USP28: variants seen among roughly 807,000 people sequenced by gnomAD.
USP28 encodes ubiquitin specific peptidase 28.
USP28 carries 113 observed loss-of-function variants against 145.0 expected under a neutral mutation model. That is an observed-to-expected ratio of 0.78 (90% CI 0.67 to 0.91). The LOEUF (loss-of-function observed/expected upper bound fraction) is 0.91. Among genes scored for constraint, USP28 ranks in the 40% least tolerant of loss-of-function variants. The pLI, the probability that USP28 is intolerant of heterozygous loss-of-function variation, is 0.00. For synonymous variants in USP28, 447 were observed against 450.9 expected, an observed-to-expected ratio of 0.99 and a Z score of 0.11; for missense variants, 1,201 against 1,289.6, an observed-to-expected ratio of 0.93 and a Z score of 1.05.
At chr11:113,817,454 C>T (rs1220066101) in intron 13 of USP28, among the ~76,000 whole-genome samples, 1 of 152,106 alleles carries the variant, frequency 6.6e-6, no homozygotes, top group Non-Finnish European at 1.5e-5. Flanking sequence ...CTGAAATAAC[C>T]CAACCATTCT....
rs1383215827 is a variant in USP28 at position 113,806,633 on chromosome 11, T to C, written c.2305-49A>G. The C allele has an allele frequency of 3.7e-6, 5 of 1,340,648 alleles. No individual in the cohort carries two copies. The African/African-American group carries it at 7.4e-5, about 20-fold the overall frequency. 83.0% of individuals were successfully genotyped at this position (1,340,648 alleles called of 1,614,324 possible). A position where few individuals can be genotyped will look rare whatever the true frequency, so the allele number is the denominator to read the frequency against. On this transcript the variant is annotated intron_variant, in intron 18 of 24. Coordinates refer to ENST00000003302, the Ensembl canonical transcript of USP28. ...CAGAGAGAAAGGAGAGAAGAAAGGTTCAGCAGAAGACTGTATGAAAGCAGG... is the reference window on the plus strand; with the variant it reads ...CAGAGAGAAAGGAGAGAAGAAAGGTCCAGCAGAAGACTGTATGAAAGCAGG...
At chr11:113,809,972 T>C (rs1265831852) in intron 16 of USP28, among the ~76,000 whole-genome samples, 1 of 146,538 alleles carries the variant, frequency 6.8e-6, no homozygotes, top group Non-Finnish European at 1.5e-5. Context: ...GAGGAGGAGG[T>C]TGCAGTAAGC....
At chr11:113,841,606 T>C in intron 4 of USP28, 57 bp downstream of exon 4, 1 of 1,115,656 alleles carries the variant, frequency 9.0e-7, no homozygotes, top group Non-Finnish European at 1.3e-6. Flanking sequence ...CACAGAGCTG[T>C]TGCCTTTGAG....
chr11:113,850,799 A>C (rs913528128), intron 3 of USP28, among the ~76,000 whole-genome samples: 2 of 152,162 alleles, frequency 1.3e-5, no homozygotes, highest in African/African-American at 2.4e-5. Flanking sequence ...TCACAGCTTT[A>C]CAGAGCCTTT....
chr11:113,827,154 T>G, intron 11 of USP28, 79 bp downstream of exon 11: 1 of 1,503,402 alleles, frequency 6.7e-7, no homozygotes, highest in Non-Finnish European at 8.9e-7. Context: ...AGGTGATTCC[T>G]ACGCACACTA....
intron 1 of USP28, among the ~76,000 whole-genome samples, chr11:113,865,953 C>T (rs184283284): frequency 6.6e-5 from 10 of 152,198 alleles, no homozygotes; most frequent in African/African-American, 1.4e-4. Context: ...AAAAGACAAC[C>T]GGTATACAAA....
Position 113,806,920 on chromosome 11 carries a change from T to C in USP28, c.2305-336A>G, listed in dbSNP as rs536047950. On this transcript the variant is annotated intron_variant, in intron 18 of 24. Coordinates refer to ENST00000003302, the Ensembl canonical transcript of USP28. ...TTATAGTTCTCAGAGGGGAAGTGTC[T>C]AAGGTCAGAATTCCAATTTAGTTCT... is the stretch of plus-strand genomic sequence containing the variant. Among the ~76,000 whole-genome samples, 5 of 152,336 alleles carry C rather than the reference T, an allele frequency of 3.3e-5. No individual in the cohort carries two copies. In the South Asian group the frequency reaches 1.0e-3, roughly 32 times the overall value.
intron 3 of USP28, among the ~76,000 whole-genome samples, chr11:113,845,435 C>CA (rs199960425): frequency 0.16 from 23,327 of 143,520 alleles, 2,153 homozygotes; most frequent in East Asian, 0.45. Flanking sequence ...GACCCTGTCT[C>CA]AAAAAAAAAA....
At chr11:113,834,145 C>A (rs1944315726) in intron 6 of USP28, 104 bp downstream of exon 6, 3 of 765,408 alleles carry the variant, frequency 3.9e-6, no homozygotes, top group African/African-American at 3.6e-5. Flanking sequence ...ATAATTAGCA[C>A]AAGCCAAAGA....
chr11:113,873,947 C>T (rs1256102771), intron 1 of USP28, among the ~76,000 whole-genome samples: 1 of 142,536 alleles, frequency 7.0e-6, no homozygotes, highest in East Asian at 2.2e-4. Context: ...CCGAGACCAT[C>T]CTGGCCAACA....
intron 15 of USP28, 88 bp downstream of exon 15, chr11:113,813,797 T>A: frequency 1.0e-6 from 1 of 984,648 alleles, no homozygotes; most frequent in African/African-American, 1.6e-5. Context: ...GGGATTCCCA[T>A]TGGGTTTAAA....
intron 21 of USP28, among the ~76,000 whole-genome samples, 200 bp from the exon 23 acceptor site, chr11:113,804,077 G>C (rs1233514871): frequency 6.6e-6 from 1 of 151,914 alleles, no homozygotes. Flanking sequence ...TCAATGTTCT[G>C]TTCCTTTCAC....
At chr11:113,859,869 TC>T (rs1450530030) in intron 1 of USP28, among the ~76,000 whole-genome samples, 1 of 152,136 alleles carries the variant, frequency 6.6e-6, no homozygotes, top group African/African-American at 2.4e-5. Context: ...CAAAAAGTAC[TC>T]CCTTTTCTTG....
intron 17 of USP28, among the ~76,000 whole-genome samples, chr11:113,808,724 A>G (rs570092866): frequency 6.6e-6 from 1 of 152,348 alleles, no homozygotes; most frequent in South Asian, 2.1e-4. Flanking sequence ...ACTTTCTACA[A>G]ACAAGCATCT....
intron 1 of USP28, among the ~76,000 whole-genome samples, chr11:113,857,312 G>GCT: frequency 6.6e-6 from 1 of 152,260 alleles, no homozygotes; most frequent in East Asian, 1.9e-4. Flanking sequence ...GTTGCATAAA[G>GCT]CACTTGACTG....
chr11:113,853,060 T>G (rs1253677097), intron 2 of USP28, among the ~76,000 whole-genome samples: 1 of 152,072 alleles, frequency 6.6e-6, no homozygotes, highest in Non-Finnish European at 1.5e-5. Context: ...CCCAGCACAC[T>G]GGGAGGCCAA....
At chr11:113,866,672 A>T (rs1193800523) in intron 1 of USP28, among the ~76,000 whole-genome samples, 1 of 152,208 alleles carries the variant, frequency 6.6e-6, no homozygotes, top group Non-Finnish European at 1.5e-5. Flanking sequence ...AAAGAGAAAA[A>T]CTAGAACCCT....
intron 24 of USP28, among the ~76,000 whole-genome samples, chr11:113,800,841 A>G (rs1051351353): frequency 7.4e-6 from 1 of 134,436 alleles, no homozygotes; most frequent in Non-Finnish European, 1.6e-5. Flanking sequence ...ACTCTGCATG[A>G]TTTTTTTTTT....
chr11:113,815,379 T>C, exon 14 of USP28: 1 of 1,612,032 alleles, frequency 6.2e-7, no homozygotes, highest in Non-Finnish European at 8.5e-7. Context: ...TTTCTGTACT[T>C]GTACTGAGGA....
Sources: gnomAD v4.1 joint callset for allele counts (sites outside exome capture counted in the v4.1 genomes callset) on GRCh38, gnomAD v4.1.1 for gene constraint, MANE v1.5 for transcripts, NCBI Gene and HGNC (gene_info 2026-07-23, HGNC 2026-07-21) for gene names.